The following S100Z variants were observed in gnomAD, a reference collection of about 807,000 sequenced individuals.
The protein encoded by S100Z is protein S100-Z.
In S100Z, 11 loss-of-function variants were observed where a neutral mutation model predicts 8.5. That is an observed-to-expected ratio of 1.30 (90% CI 0.82 to 2.15). The LOEUF (loss-of-function observed/expected upper bound fraction) is 2.15. Among genes scored for constraint, S100Z ranks in the 30% most tolerant of loss-of-function variants. S100Z has a pLI of 0.00. For missense variants in S100Z, 126 were observed against 117.9 expected, an observed-to-expected ratio of 1.07 and a Z score of -0.32; for synonymous variants, 34 against 43.8, an observed-to-expected ratio of 0.78 and a Z score of 0.89.
chr5:76,899,267 A>G (rs535075155), intron 4 of S100Z, among the ~76,000 whole-genome samples: 20 of 152,300 alleles, frequency 1.3e-4, no homozygotes, highest in African/African-American at 4.3e-4. Context: ...TGTAGACAAT[A>G]GATCAATGGG....
intron 4 of S100Z, among the ~76,000 whole-genome samples, chr5:76,884,289 A>ACTAGG (rs1296215460): frequency 1.3e-5 from 2 of 152,092 alleles, no homozygotes; most frequent in Non-Finnish European, 2.9e-5. Context: ...AAGCCCTTTA[A>ACTAGG]CTAGGCAGGA....
the S100Z span, among the ~76,000 whole-genome samples, chr5:76,927,502 G>A: frequency 6.6e-6 from 1 of 152,092 alleles, no homozygotes; most frequent in South Asian, 2.1e-4. Context: ...TCCCTTCCTG[G>A]TAACTGATTA....
chr5:76,936,286 T>G, the S100Z span, among the ~76,000 whole-genome samples: 2 of 152,070 alleles, frequency 1.3e-5, no homozygotes, highest in Non-Finnish European at 2.9e-5. Context: ...AGAAATCATA[T>G]TGCATCTCTG....
chr5:76,857,827 G>A (rs1183560601), intron 1 of S100Z, among the ~76,000 whole-genome samples: 1 of 152,136 alleles, frequency 6.6e-6, no homozygotes, highest in African/African-American at 2.4e-5. Flanking sequence ...AACCAAAGCT[G>A]CAGTCTTCTA....
intron 4 of S100Z, among the ~76,000 whole-genome samples, chr5:76,915,628 A>T (rs1448917981): frequency 1.3e-5 from 2 of 151,816 alleles, no homozygotes; most frequent in African/African-American, 4.8e-5. Flanking sequence ...AATAAATAAA[A>T]AATAAAAATA....
chr5:76,917,806 G>A (rs1230393668), intron 4 of S100Z, among the ~76,000 whole-genome samples: 3 of 134,782 alleles, frequency 2.2e-5, no homozygotes, highest in Non-Finnish European at 3.1e-5. Flanking sequence ...CTGGGTGACC[G>A]AGCAAGACTG....
At chr5:76,944,350 C>T in the S100Z span, among the ~76,000 whole-genome samples, 1 of 152,102 alleles carries the variant, frequency 6.6e-6, no homozygotes, top group African/African-American at 2.4e-5. Context: ...TGTATGTATG[C>T]CTGGTGCTCT....
intron 1 of S100Z, among the ~76,000 whole-genome samples, chr5:76,851,092 G>T (rs533873938): frequency 6.6e-6 from 1 of 152,362 alleles, no homozygotes; most frequent in Non-Finnish European, 1.5e-5. Context: ...GCCGGTGCAG[G>T]TCTAGAGGAA....
chr5:76,875,479 AG>A lies in S100Z; in HGVS notation c.121del (p.Glu41SerfsTer18). The A allele has an allele frequency of 6.2e-7, 1 of 1,610,380 alleles. No homozygotes were observed. The highest frequency in any genetic ancestry group is 8.5e-7 in the Non-Finnish European group (1 of 1,178,574). ...KGELKLLLQR[E>X]LTEFLSCQKE... ...GGGAACTGAAACTGCTCCTGCAGCG[AG>A]AGCTCACGGAATTCCTCTCGGTGAG... On this transcript the variant is annotated frameshift_variant, in exon 3 of 5. Coordinates refer to ENST00000317593, the MANE Select transcript of S100Z (RefSeq NM_130772.4). LOFTEE classifies it high-confidence loss of function.
At chr5:76,865,370 G>A (rs10440684) in intron 1 of S100Z, among the ~76,000 whole-genome samples, 98,094 of 150,892 alleles carry the variant, frequency 0.65, 32,367 homozygotes, top group African/African-American at 0.77. Context: ...TTAGCCTCCC[G>A]AGTAGCTGGG....
At chr5:76,884,897 G>A (rs1743546396) in intron 4 of S100Z, among the ~76,000 whole-genome samples, 1 of 152,108 alleles carries the variant, frequency 6.6e-6, no homozygotes, top group East Asian at 1.9e-4. Flanking sequence ...GAGACTGAAG[G>A]AACAGACAGG....
At chr5:76,951,336 T>C in the S100Z span, among the ~76,000 whole-genome samples, 3 of 152,202 alleles carry the variant, frequency 2.0e-5, no homozygotes, top group African/African-American at 7.2e-5. Flanking sequence ...CATGTGCACA[T>C]GTGCATATGC....
intron 1 of S100Z, among the ~76,000 whole-genome samples, chr5:76,867,902 C>T (rs534239864): frequency 2.0e-5 from 3 of 152,194 alleles, no homozygotes; most frequent in African/African-American, 7.2e-5. Context: ...CCTTTAAGCT[C>T]CCCCCAAATC....
At chr5:76,857,477 C>G (rs1750917209) in intron 1 of S100Z, among the ~76,000 whole-genome samples, 1 of 151,612 alleles carries the variant, frequency 6.6e-6, no homozygotes, top group Non-Finnish European at 1.5e-5. Context: ...AGGATTTGCC[C>G]CCACCTCCCG....
At chr5:76,903,346 T>C (rs959432625) in intron 4 of S100Z, among the ~76,000 whole-genome samples, 2 of 152,000 alleles carry the variant, frequency 1.3e-5, no homozygotes, top group African/African-American at 4.8e-5. Context: ...TTGAGTCTGG[T>C]TTTTTTTCAC....
At chr5:76,890,226 G>A (rs1743810082) in intron 4 of S100Z, among the ~76,000 whole-genome samples, 1 of 152,156 alleles carries the variant, frequency 6.6e-6, no homozygotes, top group Non-Finnish European at 1.5e-5. Flanking sequence ...GTTTCACCAT[G>A]TTGGCCAGGC....
intron 4 of S100Z, among the ~76,000 whole-genome samples, chr5:76,906,751 G>A (rs1257971676): frequency 1.3e-5 from 2 of 151,340 alleles, no homozygotes; most frequent in Non-Finnish European, 2.9e-5. Flanking sequence ...TCCTGCCTCA[G>A]CCTCCTGAGT....
chr5:76,915,304 C>A (rs987643515), intron 4 of S100Z, among the ~76,000 whole-genome samples: 146 of 103,544 alleles, frequency 1.4e-3, no homozygotes, highest in Admixed American at 1.5e-3. Context: ...GACTCCATCT[C>A]AAAAAAAAAA....
At chr5:76,855,336 C>T (rs944314250) in intron 1 of S100Z, among the ~76,000 whole-genome samples, 1 of 152,176 alleles carries the variant, frequency 6.6e-6, no homozygotes, top group Non-Finnish European at 1.5e-5. Flanking sequence ...GCTGCAGGCA[C>T]TCAATGCCAG....
Sources: gnomAD v4.1 joint callset for allele counts (sites outside exome capture counted in the v4.1 genomes callset) on GRCh38, gnomAD v4.1.1 for gene constraint, MANE v1.5 for transcripts, NCBI Gene and HGNC (gene_info 2026-07-23, HGNC 2026-07-21) for gene names.